The following ZC3H12B variants were observed in gnomAD, a reference collection of about 807,000 sequenced individuals.
ZC3H12B encodes the protein probable ribonuclease ZC3H12B.
ZC3H12B carries 7 observed loss-of-function variants against 43.9 expected under a neutral mutation model. The observed-to-expected ratio is 0.16, with a 90% CI of 0.09 to 0.30. ZC3H12B has a LOEUF of 0.30. Among genes scored for constraint, ZC3H12B ranks in the 10% least tolerant of loss-of-function variants. The probability of loss-of-function intolerance (pLI) is 1.00; values close to 1 mark genes in which losing one functional copy is unlikely to be tolerated. For synonymous variants in ZC3H12B, 222 were observed against 241.7 expected, an observed-to-expected ratio of 0.92 and a Z score of 0.76; for missense variants, 475 against 670.2, an observed-to-expected ratio of 0.71 and a Z score of 3.22.
At chrX:65,264,880 G>A in the ZC3H12B span, among the ~76,000 whole-genome samples, 1 of 111,263 alleles carries the variant, frequency 9.0e-6, no homozygotes, top group Non-Finnish European at 1.9e-5. Context: ...ATTAGTCAAG[G>A]AGACCCCCAA....
At chrX:65,083,569 G>T in the ZC3H12B span, among the ~76,000 whole-genome samples, 770 of 111,362 alleles carry the variant, frequency 6.9e-3, 3 homozygotes, top group Non-Finnish European at 0.011. Context: ...TTGCTATAAT[G>T]AAAACTATAA....
chrX:65,190,012 A>G, the ZC3H12B span, among the ~76,000 whole-genome samples: 2 of 111,366 alleles, frequency 1.8e-5, no homozygotes, highest in African/African-American at 6.6e-5. Flanking sequence ...AGCTTCCTAC[A>G]TATGGCTATC....
At chrX:65,387,469 C>T (rs142654145) in intron 2 of ZC3H12B, among the ~76,000 whole-genome samples, 69 of 111,484 alleles carry the variant, frequency 6.2e-4, no homozygotes, top group African/African-American at 2.2e-3. Flanking sequence ...TAACCCCTGC[C>T]TTTTTCTGTT....
In ZC3H12B at chrX:65,452,592, A is replaced by G. The variant is rs181539811; in HGVS notation, n.408-36054A>G. 3.2e-4 allele frequency among the ~76,000 whole-genome samples: 36 copies of G among 111,802 alleles called. 1 individual carries two copies. The highest frequency in any genetic ancestry group is 2.9e-3 in the Admixed American group (31 of 10,535). Reference sequence around the variant, plus strand: ...GTGGTGGCTCACGCCTGTAATCCCAACACTTTGGGAGGCCGAGGTGGGTGG... The same window carrying G: ...GTGGTGGCTCACGCCTGTAATCCCAGCACTTTGGGAGGCCGAGGTGGGTGG... On this transcript the variant is annotated intron_variant and non_coding_transcript_variant, in intron 3 of 5. Transcript: ENST00000617377.
intron 3 of ZC3H12B, among the ~76,000 whole-genome samples, chrX:65,455,540 T>G (rs2067595415): frequency 8.9e-6 from 1 of 112,122 alleles, no homozygotes; most frequent in Non-Finnish European, 1.9e-5. Context: ...AGAACCAAGT[T>G]GGAAAACACT....
chrX:65,492,996 G>A (rs1007200800), intron 1 of ZC3H12B, among the ~76,000 whole-genome samples: 7 of 111,129 alleles, frequency 6.3e-5, no homozygotes, highest in Non-Finnish European at 9.4e-5. Context: ...CCAGCTACTT[G>A]GGGGGCTGAG....
At chrX:65,456,930 G>A (rs1191387832) in intron 3 of ZC3H12B, among the ~76,000 whole-genome samples, 1 of 105,222 alleles carries the variant, frequency 9.5e-6, no homozygotes, top group Non-Finnish European at 2.0e-5. Context: ...GAGCCCCTCT[G>A]CCTGGCTGCC....
intron 3 of ZC3H12B, among the ~76,000 whole-genome samples, chrX:65,445,098 C>T (rs1454139960): frequency 8.9e-6 from 1 of 112,074 alleles, no homozygotes; most frequent in Non-Finnish European, 1.9e-5. Context: ...TGATAGGATT[C>T]TGAATTCCTT....
chrX:65,164,643 A>G, the ZC3H12B span, among the ~76,000 whole-genome samples: 1 of 112,023 alleles, frequency 8.9e-6, no homozygotes, highest in African/African-American at 3.2e-5. Context: ...ATGAGCAAGG[A>G]CCGCTTATAA....
At chrX:65,356,955 G>C in the ZC3H12B span, 1 of 457,512 alleles carries the variant, frequency 2.2e-6, no homozygotes, top group East Asian at 4.5e-5. Flanking sequence ...GTAAAACAGA[G>C]TTGATAGGTT....
the ZC3H12B span, among the ~76,000 whole-genome samples, chrX:65,057,914 G>T: frequency 8.9e-6 from 1 of 112,038 alleles, no homozygotes; most frequent in Non-Finnish European, 1.9e-5. Flanking sequence ...TAGCTGTCGT[G>T]CCATGGTTTT....
At chrX:65,151,929 A>G in the ZC3H12B span, among the ~76,000 whole-genome samples, 5 of 111,990 alleles carry the variant, frequency 4.5e-5, no homozygotes, top group Non-Finnish European at 7.5e-5. Context: ...GGTTCAATAT[A>G]CGCAAATCAA....
chrX:65,103,636 C>T, the ZC3H12B span, among the ~76,000 whole-genome samples: 6 of 111,255 alleles, frequency 5.4e-5, no homozygotes, highest in African/African-American at 9.8e-5. Flanking sequence ...TAAAGACAGG[C>T]GTAAGAAATT....
At chrX:65,074,213 A>G in the ZC3H12B span, among the ~76,000 whole-genome samples, 3 of 110,371 alleles carry the variant, frequency 2.7e-5, no homozygotes, top group African/African-American at 9.9e-5. Context: ...ATGAGAAATC[A>G]TTTCTCTTTC....
chrX:65,257,961 A>G, the ZC3H12B span, among the ~76,000 whole-genome samples: 1 of 111,418 alleles, frequency 9.0e-6, no homozygotes, highest in Middle Eastern at 4.2e-3. Flanking sequence ...ATGTATAGAA[A>G]AAAGAGTTGG....
exon 5 of ZC3H12B, chrX:65,504,833 A>G (rs1302090478): frequency 8.9e-6 from 1 of 112,711 alleles, no homozygotes; most frequent in Non-Finnish European, 1.9e-5. Flanking sequence ...GTGGAACAGA[A>G]TTTCTCTAGG....
chrX:65,165,653 C>T, the ZC3H12B span, among the ~76,000 whole-genome samples: 1 of 112,509 alleles, frequency 8.9e-6, no homozygotes, highest in Non-Finnish European at 1.9e-5. Context: ...GCATAGTAGT[C>T]CATGGGGTAT....
chrX:65,254,124 G>A, the ZC3H12B span, among the ~76,000 whole-genome samples: 1 of 111,925 alleles, frequency 8.9e-6, no homozygotes, highest in African/African-American at 3.2e-5. Flanking sequence ...CCATCTCAGT[G>A]CTTGCCAGCA....
At chrX:65,212,538 GTATATT>G in the ZC3H12B span, among the ~76,000 whole-genome samples, 1 of 68,797 alleles carries the variant, frequency 1.5e-5, no homozygotes, top group African/African-American at 6.0e-5. Flanking sequence ...TACATATAAT[GTATATT>G]TATATATTAT....
Sources: gnomAD v4.1 joint callset for allele counts (sites outside exome capture counted in the v4.1 genomes callset) on GRCh38, gnomAD v4.1.1 for gene constraint, MANE v1.5 for transcripts, NCBI Gene and HGNC (gene_info 2026-07-23, HGNC 2026-07-21) for gene names.